PLEKHD1: variants seen among roughly 807,000 people sequenced by gnomAD.
PLEKHD1 encodes pleckstrin homology domain-containing family D member 1.
A neutral mutation model predicts 69.2 loss-of-function variants in PLEKHD1; 51 were observed. The ratio of observed to expected loss-of-function variants is 0.74; its 90% CI spans 0.59 to 0.93. The LOEUF (loss-of-function observed/expected upper bound fraction) is 0.93, where lower values mean the gene tolerates loss of function less well. PLEKHD1 is among the 40% of genes least tolerant of loss of function. The pLI, the probability that PLEKHD1 is intolerant of heterozygous loss-of-function variation, is 0.00. For missense variants in PLEKHD1, 584 were observed against 641.0 expected, an observed-to-expected ratio of 0.91 and a Z score of 0.96; for synonymous variants, 236 against 244.7, an observed-to-expected ratio of 0.96 and a Z score of 0.33.
chr14:69,527,357 C>T (rs1294143922), intron 11 of PLEKHD1, 25 bp downstream of exon 11: 11 of 1,551,008 alleles, frequency 7.1e-6, no homozygotes, highest in Non-Finnish European at 9.6e-6. Flanking sequence ...TAGGCCCTGG[C>T]CCCCAGCTTT....
chr14:69,476,257 CA>C, the PLEKHD1 span, among the ~76,000 whole-genome samples: 211 of 77,312 alleles, frequency 2.7e-3, 1 homozygote, highest in East Asian at 6.6e-3. Flanking sequence ...GACTCTGTCT[CA>C]AAAAAAAAAA....
At chr14:69,512,375 G>A (rs1016084652) in intron 6 of PLEKHD1, among the ~76,000 whole-genome samples, 2 of 150,942 alleles carry the variant, frequency 1.3e-5, no homozygotes, top group African/African-American at 4.9e-5. Context: ...TTGATTTCCT[G>A]TTTTCAATTT....
chr14:69,472,544 C>T, the PLEKHD1 span, among the ~76,000 whole-genome samples: 3 of 152,196 alleles, frequency 2.0e-5, no homozygotes, highest in Non-Finnish European at 2.9e-5. Flanking sequence ...AGCAATGTTT[C>T]GGTCAATGAT....
chr14:69,504,870 A>G (rs929151980), intron 6 of PLEKHD1, among the ~76,000 whole-genome samples: 2 of 152,100 alleles, frequency 1.3e-5, no homozygotes, highest in African/African-American at 4.8e-5. Flanking sequence ...TCTGCACACA[A>G]TTCTATACAT....
the PLEKHD1 span, among the ~76,000 whole-genome samples, chr14:69,472,875 G>A: frequency 1.3e-5 from 2 of 152,318 alleles, no homozygotes; most frequent in East Asian, 3.9e-4. Context: ...AGGTGAAGAA[G>A]CATTACCACC....
intron 12 of PLEKHD1, 130 bp from the exon 13 acceptor site, chr14:69,528,120 T>C (rs1402245979): frequency 7.1e-7 from 1 of 1,402,682 alleles, no homozygotes; most frequent in Admixed American, 2.3e-5. Context: ...GAAGCCCGTG[T>C]GTGTGGGAAG....
At chr14:69,487,182 AACAC>A (rs199671230) in intron 1 of PLEKHD1, among the ~76,000 whole-genome samples, 4,811 of 140,388 alleles carry the variant, frequency 0.034, 90 homozygotes, top group Middle Eastern at 0.061. Context: ...GGGAATACAC[AACAC>A]ACACACACAC....
At chr14:69,508,730 G>A (rs1217438130) in intron 6 of PLEKHD1, among the ~76,000 whole-genome samples, 1 of 152,202 alleles carries the variant, frequency 6.6e-6, no homozygotes, top group Non-Finnish European at 1.5e-5. Context: ...GCTTTACACA[G>A]CCCTCCATAT....
intron 8 of PLEKHD1, among the ~76,000 whole-genome samples, chr14:69,525,492 G>A (rs991832944): frequency 3.3e-5 from 5 of 152,220 alleles, no homozygotes; most frequent in African/African-American, 1.2e-4. Context: ...TGGGGTGGGG[G>A]GTGGTTTGGG....
In PLEKHD1 at chr14:69,484,784, G is replaced by GC. The variant is rs902652533; in HGVS notation, c.-181dup. The GC allele has an allele frequency of 4.3e-5, 28 of 647,712 alleles. No individual in the cohort carries two copies. The highest frequency in any genetic ancestry group is 1.3e-4 in the Admixed American group (4 of 30,856). The allele number at this position is 647,712 out of a possible 1,614,324, so 40.1% of individuals were successfully genotyped here. On this transcript the variant is annotated 5_prime_UTR_variant, in exon 1 of 13. Coordinates refer to ENST00000322564, the MANE Select transcript of PLEKHD1 (RefSeq NM_001161498.2). ...GCCCAAGCCGCCGGCTACGCGCCCT[G>GC]CGCCCCCTTGGTGCCGCGTCCAGTG...
Position 69,528,505 on chromosome 14 carries a change from C to G in PLEKHD1, c.*86C>G. The G allele has an allele frequency of 6.9e-7, 1 of 1,448,932 alleles. No individual in the cohort carries two copies. The highest frequency in any genetic ancestry group is 9.2e-7 in the Non-Finnish European group (1 of 1,087,568). 89.8% of individuals were successfully genotyped at this position (1,448,932 alleles called of 1,614,324 possible). On this transcript the variant is annotated 3_prime_UTR_variant, in exon 13 of 13. Transcript: ENST00000322564. ...GCAGAGGGAGGCCTCACTCTACCAG[C>G]TCCTGGCCTCTCTGGTCTGGAGCCT...
chr14:69,500,922 G>C lies in PLEKHD1; in HGVS notation c.385G>C (p.Glu129Gln). 6.4e-7 allele frequency: 1 copy of C among 1,551,622 alleles called. No homozygotes were observed. Among genetic ancestry groups the C allele is most frequent in the Non-Finnish European group, 8.7e-7 (1 of 1,146,986 alleles). Residue 129 changes from glutamate to glutamine, a missense_variant, in exon 4 of 13, where the codon GAG becomes CAG. Physicochemically the swap from Glu to Gln is conservative, Grantham distance 29 (BLOSUM62 2). Transcript: ENST00000322564. ...ESEFEQTQWL[E>Q]MLQESGKVTW... ...GGAGTTTGAGCAGACCCAGTGGCTG[G>C]AGATGCTGCAGGAGTCTGGGAAGGT...
At chr14:69,494,737 A>G (rs1181464041) in intron 1 of PLEKHD1, among the ~76,000 whole-genome samples, 1 of 152,178 alleles carries the variant, frequency 6.6e-6, no homozygotes, top group Non-Finnish European at 1.5e-5. Context: ...GTCAGGGAAC[A>G]AGGGGACTTT....
At position 69,531,271 on chromosome 14, in the gene PLEKHD1, T is replaced by A. The variant is rs1167413347; in HGVS notation, c.*2852T>A. 1 of 152,352 alleles carries A rather than the reference T, an allele frequency of 6.6e-6. No individual in the cohort carries two copies. Among genetic ancestry groups the A allele is most frequent in the Non-Finnish European group, 1.5e-5 (1 of 68,040 alleles). The allele number at this position is 152,352 out of a possible 1,614,324, so 9.4% of individuals were successfully genotyped here. On this transcript the variant is annotated 3_prime_UTR_variant, in exon 13 of 13. Transcript: ENST00000322564. ...TTCAAACTGTAGCAGTGCTTTTCCA[T>A]GCACATTTACCAATCGATACTTCCT...
chr14:69,527,723 G>A lies in PLEKHD1; in HGVS notation c.1202-60G>A. 3 of 1,528,860 alleles carry A rather than the reference G, an allele frequency of 2.0e-6. No homozygotes were observed. The South Asian group carries it at 3.6e-5, about 18-fold the overall frequency. 94.7% of individuals were successfully genotyped at this position (1,528,860 alleles called of 1,614,324 possible). On this transcript the variant is annotated intron_variant, in intron 11 of 12. Coordinates refer to ENST00000322564, the MANE Select transcript of PLEKHD1 (RefSeq NM_001161498.2). ...CTCACCAGGATCCTTGGGAAGGGAG[G>A]GACTGGCTGGGGGTAAGGATGCAGT...
chr14:69,508,792 T>C (rs1477005364), intron 6 of PLEKHD1, among the ~76,000 whole-genome samples: 1 of 152,198 alleles, frequency 6.6e-6, no homozygotes, highest in Non-Finnish European at 1.5e-5. Context: ...CGGGTAATTG[T>C]CAGTTGACTG....
chr14:69,491,977 C>T (rs545161329), intron 1 of PLEKHD1, among the ~76,000 whole-genome samples: 3 of 152,264 alleles, frequency 2.0e-5, no homozygotes, highest in East Asian at 1.9e-4. Flanking sequence ...TGGTTGTGGA[C>T]TTCCCTATGG....
At chr14:69,490,104 G>A (rs1292972372) in intron 1 of PLEKHD1, among the ~76,000 whole-genome samples, 1 of 152,206 alleles carries the variant, frequency 6.6e-6, no homozygotes, top group African/African-American at 2.4e-5. Flanking sequence ...CTGACCTCAG[G>A]TGATCTGCCC....
chr14:69,495,636 G>A (rs1177064336), intron 1 of PLEKHD1, among the ~76,000 whole-genome samples: 1 of 152,148 alleles, frequency 6.6e-6, no homozygotes, highest in Non-Finnish European at 1.5e-5. Context: ...CATTACCATG[G>A]CCATAGAGCC....
Sources: gnomAD v4.1 joint callset for allele counts (sites outside exome capture counted in the v4.1 genomes callset) on GRCh38, gnomAD v4.1.1 for gene constraint, MANE v1.5 for transcripts, NCBI Gene and HGNC (gene_info 2026-07-23, HGNC 2026-07-21) for gene names.